CDON: variants seen among roughly 807,000 people sequenced by gnomAD.
CDON encodes cell adhesion molecule-related/down-regulated by oncogenes.
A neutral mutation model predicts 120.9 loss-of-function variants in CDON; 73 were observed. The observed-to-expected ratio is 0.60, with a 90% CI of 0.50 to 0.73. The LOEUF (loss-of-function observed/expected upper bound fraction) is 0.73. Ranked by LOEUF, CDON falls within the 30% of genes least tolerant of loss-of-function variation. The pLI is 0.00. For synonymous variants in CDON, 566 were observed against 573.5 expected (o/e 0.99, Z 0.19); for missense variants, 1,470 against 1,587.3 (o/e 0.93, Z 1.26).
intron 1 of CDON, among the ~76,000 whole-genome samples, chr11:126,060,528 T>A (rs939748548): frequency 2.6e-5 from 4 of 151,122 alleles, no homozygotes; most frequent in African/African-American, 9.7e-5. Context: ...TTCGAAACAA[T>A]CACCAATTTT....
intron 14 of CDON, among the ~76,000 whole-genome samples, chr11:125,993,149 C>T (rs1029507709): frequency 4.6e-5 from 7 of 152,296 alleles, no homozygotes; most frequent in East Asian, 1.9e-4. Context: ...AGGTAGCTAT[C>T]GTGTTGCTTC....
At chr11:126,062,355 C>T (rs994221221) in intron 1 of CDON, among the ~76,000 whole-genome samples, 24 of 152,256 alleles carry the variant, frequency 1.6e-4, no homozygotes, top group Admixed American at 1.5e-3. Flanking sequence ...CGCCTCCTCC[C>T]GCGAGGTGCC....
Position 125,997,199 on chromosome 11 carries a change from A to T in CDON, c.2362+8T>A. The T allele has an allele frequency of 6.3e-7, 1 of 1,595,164 alleles. No homozygotes were observed. Among genetic ancestry groups the T allele is most frequent in the South Asian group, 1.1e-5 (1 of 90,710 alleles). ...CGATGGTAAAAGGAAACGTTTGAAT[A>T]TTACTACCTGGTTCTAAACTACGAA... On this transcript the variant is annotated splice_region_variant and intron_variant, in intron 12 of 19. Transcript: ENST00000531738.
Position 125,967,330 on chromosome 11 carries a change from A to C in CDON, c.3357-5332T>G, listed in dbSNP as rs74579347. Among the ~76,000 whole-genome samples, 1,079 of 152,320 alleles carry C rather than the reference A, an allele frequency of 7.1e-3. 15 individuals carry two copies. The highest frequency in any genetic ancestry group is 0.025 in the African/African-American group (1,042 of 41,558). On this transcript the variant is annotated intron_variant, in intron 18 of 19. Transcript: ENST00000531738. Reference sequence around the variant, plus strand: ...AATGACACACAATAGGACCTCAAAAATGTTTTTTAAAAATGATAAACATTA... The same window carrying C: ...AATGACACACAATAGGACCTCAAAACTGTTTTTTAAAAATGATAAACATTA...
At chr11:126,037,929 A>G (rs1370499116) in intron 1 of CDON, among the ~76,000 whole-genome samples, 1 of 152,170 alleles carries the variant, frequency 6.6e-6, no homozygotes, top group Non-Finnish European at 1.5e-5. Context: ...TTTATCTTAC[A>G]CTATAGTTTT....
chr11:125,977,756 G>C (rs913148162), intron 18 of CDON, among the ~76,000 whole-genome samples: 1 of 152,082 alleles, frequency 6.6e-6, no homozygotes, highest in Admixed American at 6.5e-5. Flanking sequence ...AATATTGTGA[G>C]TACATACCAC....
At chr11:126,051,028 T>C (rs1948546416) in intron 1 of CDON, among the ~76,000 whole-genome samples, 1 of 152,116 alleles carries the variant, frequency 6.6e-6, no homozygotes, top group African/African-American at 2.4e-5. Context: ...TTTTTTTTTT[T>C]CCAGAAAACT....
chr11:126,057,064 T>C (rs977626800), intron 1 of CDON, among the ~76,000 whole-genome samples: 6 of 152,120 alleles, frequency 3.9e-5, no homozygotes, highest in African/African-American at 1.4e-4. Flanking sequence ...AACACACACA[T>C]AAAAATGAAT....
chr11:126,012,524 C>T (rs1947336246), intron 7 of CDON, among the ~76,000 whole-genome samples: 1 of 151,622 alleles, frequency 6.6e-6, no homozygotes, highest in African/African-American at 2.4e-5. Flanking sequence ...GCCTCAGCCT[C>T]CTGAGTAGCT....
Position 126,062,849 on chromosome 11 carries a change from G to A in CDON, c.-332C>T, listed in dbSNP as rs1485383453. On this transcript the variant is annotated 5_prime_UTR_variant, in exon 1 of 20. Transcript: ENST00000531738. Reference sequence around the variant, plus strand: ...CCGGGCTCCCGGGCTCAGGGGAGGGGAGCTGAGGGGCGGAGTCACCGGGGC... The same window carrying A: ...CCGGGCTCCCGGGCTCAGGGGAGGGAAGCTGAGGGGCGGAGTCACCGGGGC... 1 of 151,764 alleles carries A rather than the reference G, an allele frequency of 6.6e-6. No homozygotes were observed. Among genetic ancestry groups the A allele is most frequent in the East Asian group, 2.0e-4 (1 of 5,116 alleles). 9.4% of individuals were successfully genotyped at this position (151,764 alleles called of 1,614,324 possible). A position where few individuals can be genotyped will look rare whatever the true frequency, so the allele number is the denominator to read the frequency against.
At chr11:125,997,114 G>C (rs2134542229) in intron 12 of CDON, 93 bp downstream of exon 12, 1 of 1,023,404 alleles carries the variant, frequency 9.8e-7, no homozygotes, top group East Asian at 2.5e-5. Flanking sequence ...ACTCCAGCCT[G>C]GGCCAACAGA....
chr11:126,029,090 T>C (rs1947880042), intron 1 of CDON, among the ~76,000 whole-genome samples: 1 of 152,144 alleles, frequency 6.6e-6, no homozygotes, highest in Non-Finnish European at 1.5e-5. Flanking sequence ...ATCACTGACA[T>C]ATGGTTTAGA....
At chr11:126,033,497 A>C (rs918412542) in intron 1 of CDON, among the ~76,000 whole-genome samples, 1 of 152,168 alleles carries the variant, frequency 6.6e-6, no homozygotes, top group Admixed American at 6.5e-5. Context: ...CAATACTACT[A>C]ATGAAAAAGT....
At chr11:125,978,581 T>C (rs1946208302) in intron 17 of CDON, among the ~76,000 whole-genome samples, 198 bp from the exon 18 acceptor site, 1 of 152,228 alleles carries the variant, frequency 6.6e-6, no homozygotes, top group Admixed American at 6.5e-5. Flanking sequence ...GAATGAGAGT[T>C]CTGCATTAGA....
chr11:125,962,126 C>T (rs1945663712), intron 18 of CDON, 128 bp from the exon 19 acceptor site: 1 of 754,840 alleles, frequency 1.3e-6, no homozygotes, highest in Middle Eastern at 3.7e-4. Flanking sequence ...TGCTTAAAAA[C>T]AACTAAATGA....
chr11:126,023,437 C>T lies in CDON; in HGVS notation c.40G>A (p.Val14Ile), dbSNP rs750412698. 7.4e-6 allele frequency: 12 copies of T among 1,613,418 alleles called. No individual in the cohort carries two copies. Among genetic ancestry groups the T allele is most frequent in the Non-Finnish European group, 1.0e-5 (12 of 1,179,358 alleles). Residue 14 changes from valine (V) to isoleucine (I), a missense_variant, in exon 2 of 20, where the codon GTT (valine) becomes ATT (isoleucine). By Grantham distance (29) the Val-to-Ile change is conservative. Transcript: ENST00000531738. ...DLGPLCTLLY[V>I]TLTILCSSVS... is the part of the protein sequence containing the mutation. ...GAAGAGCACAGAATTGTAAGAGTAA[C>T]ATACAGCAGTGTACATAAGGGTCCA...
chr11:125,991,580 A>C (rs1946631340), intron 14 of CDON, among the ~76,000 whole-genome samples: 1 of 151,948 alleles, frequency 6.6e-6, no homozygotes, highest in Admixed American at 6.6e-5. Context: ...CTCTTACTGT[A>C]CTCTTTTACA....
chr11:125,958,695 T>A lies in CDON; in HGVS notation c.*2247A>T, dbSNP rs1945558542. 6.6e-6 allele frequency: 1 copy of A among 152,214 alleles called. No homozygotes were observed. Among genetic ancestry groups the A allele is most frequent in the Non-Finnish European group, 1.5e-5 (1 of 67,956 alleles). The allele number at this position is 152,214 out of a possible 1,614,324, so 9.4% of individuals were successfully genotyped here. ...AAAACAGCGTTACTAATAATATAAATAAAGCAGTCCACAATGAGATTGTCC... is the reference window on the plus strand; with the variant it reads ...AAAACAGCGTTACTAATAATATAAAAAAAGCAGTCCACAATGAGATTGTCC... On this transcript the variant is annotated 3_prime_UTR_variant, in exon 20 of 20. Transcript: ENST00000531738.
At position 125,978,369 on chromosome 11, in the gene CDON, G is replaced by T; in HGVS notation, c.3291C>A (p.Tyr1097Ter). The T allele has an allele frequency of 6.2e-7, 1 of 1,605,386 alleles. No homozygotes were observed. The highest frequency in any genetic ancestry group is 8.5e-7 in the Non-Finnish European group (1 of 1,174,118). ...PHHLVNGGGM[Y>*]TAVPQIDPLE... ...GAGGGTCAATCTGAGGCACGGCCGT[G>T]TACATTCCACCACCCTGGACAGGAA... The change falls in exon 18 of 20, where the codon TAC becomes TAA. Residue 1097 changes from tyrosine (Y) to a stop codon, truncating the protein, a stop_gained. Coordinates refer to ENST00000531738, the MANE Select transcript of CDON (RefSeq NM_001378964.1). LOFTEE classifies it high-confidence loss of function.
Sources: gnomAD v4.1 joint callset for allele counts (sites outside exome capture counted in the v4.1 genomes callset) on GRCh38, gnomAD v4.1.1 for gene constraint, MANE v1.5 for transcripts, NCBI Gene and HGNC (gene_info 2026-07-23, HGNC 2026-07-21) for gene names.